The following CFAP54 variants were observed in gnomAD, a reference collection of about 807,000 sequenced individuals.
CFAP54 encodes the protein cilia- and flagella-associated protein 54.
A neutral mutation model predicts 370.4 loss-of-function variants in CFAP54; 290 were observed. That is an observed-to-expected ratio of 0.78 (90% CI 0.71 to 0.86). CFAP54 has a LOEUF of 0.86. Among genes scored for constraint, CFAP54 ranks in the 40% least tolerant of loss-of-function variants. The pLI is 0.00. For missense variants in CFAP54, 3,399 were observed against 3,528.7 expected, an observed-to-expected ratio of 0.96 and a Z score of 0.93; for synonymous variants, 1,206 against 1,236.5, an observed-to-expected ratio of 0.98 and a Z score of 0.52.
At chr12:96,830,447 T>A (rs1169864911) in intron 66 of CFAP54, among the ~76,000 whole-genome samples, 1 of 152,150 alleles carries the variant, frequency 6.6e-6, no homozygotes, top group African/African-American at 2.4e-5. Flanking sequence ...TGATTTGCAT[T>A]TCCTTAATGA....
chr12:96,502,012 TAC>T (rs1385346972), intron 2 of CFAP54, among the ~76,000 whole-genome samples: 1 of 152,188 alleles, frequency 6.6e-6, no homozygotes, highest in East Asian at 1.9e-4. Flanking sequence ...TTTCCATCCT[TAC>T]ACTTTTCAGT....
At chr12:96,553,923 AT>A (rs957429072) in intron 15 of CFAP54, among the ~76,000 whole-genome samples, 10 of 152,260 alleles carry the variant, frequency 6.6e-5, no homozygotes, top group African/African-American at 2.2e-4. Context: ...TGGAAGTTAT[AT>A]ATATTAATAC....
At chr12:96,520,234 T>C (rs984772437) in intron 6 of CFAP54, among the ~76,000 whole-genome samples, 1 of 152,160 alleles carries the variant, frequency 6.6e-6, no homozygotes. Flanking sequence ...TCATTTTGAT[T>C]GAGTACTTGA....
chr12:96,624,272 C>A (rs909101185), intron 28 of CFAP54, among the ~76,000 whole-genome samples: 1 of 152,126 alleles, frequency 6.6e-6, no homozygotes, highest in African/African-American at 2.4e-5. Flanking sequence ...GCACAGCACA[C>A]CACCCCCTAG....
At chr12:96,760,132 C>T (rs1277304547) in intron 58 of CFAP54, among the ~76,000 whole-genome samples, 1 of 152,060 alleles carries the variant, frequency 6.6e-6, no homozygotes, top group Non-Finnish European at 1.5e-5. Flanking sequence ...AGAAGTGGGG[C>T]AAAGTAGGGA....
In CFAP54 at chr12:96,749,248, G is replaced by A. The variant is rs1277204248; in HGVS notation, c.7685-4495G>A. On this transcript the variant is annotated intron_variant, in intron 55 of 67. Coordinates refer to ENST00000524981, the MANE Select transcript of CFAP54 (RefSeq NM_001306084.2). The stretch of plus-strand genomic sequence containing the variant: ...TTCTATGTGTCCTTACATGGTGGAA[G>A]GGGCAGACAGGCTTTCTCAAGTTTG... 2.6e-5 allele frequency among the ~76,000 whole-genome samples: 4 copies of A among 152,342 alleles called. No individual in the cohort carries two copies. In the East Asian group the frequency reaches 7.7e-4, roughly 29 times the overall value.
At chr12:96,764,037 T>A (rs1958368703) in intron 58 of CFAP54, 114 bp from the exon 59 acceptor site, 2 of 604,512 alleles carry the variant, frequency 3.3e-6, no homozygotes, top group Non-Finnish European at 5.7e-6. Context: ...CTCATGTCAA[T>A]AGATACATTA....
chr12:96,497,200 G>C (rs1197528688), intron 1 of CFAP54, among the ~76,000 whole-genome samples: 1 of 152,168 alleles, frequency 6.6e-6, no homozygotes, highest in African/African-American at 2.4e-5. Context: ...TAGTCGTTAA[G>C]AGCATAGATG....
At chr12:96,568,464 G>T (rs952457993) in intron 19 of CFAP54, among the ~76,000 whole-genome samples, 2 of 151,990 alleles carry the variant, frequency 1.3e-5, no homozygotes, top group African/African-American at 4.8e-5. Context: ...CTCAGTGGTG[G>T]TTTTTATCTA....
At chr12:96,720,746 G>T (rs1957741195) in intron 50 of CFAP54, among the ~76,000 whole-genome samples, 181 bp downstream of exon 50, 1 of 152,206 alleles carries the variant, frequency 6.6e-6, no homozygotes, top group Non-Finnish European at 1.5e-5. Flanking sequence ...CTCTGGCTGG[G>T]TGTGGTGGCT....
At chr12:96,828,966 G>T (rs1959158220) in intron 65 of CFAP54, 48 bp from the exon 66 acceptor site, 4 of 959,310 alleles carry the variant, frequency 4.2e-6, no homozygotes, top group Non-Finnish European at 6.2e-6. Flanking sequence ...TAATATTTAG[G>T]TTTCTAATAA....
At chr12:96,762,168 C>G (rs973367481) in intron 58 of CFAP54, among the ~76,000 whole-genome samples, 1 of 152,028 alleles carries the variant, frequency 6.6e-6, no homozygotes, top group African/African-American at 2.4e-5. Flanking sequence ...TTTGTTATTT[C>G]TATTGTCAAA....
At chr12:96,692,107 G>A (rs924948014) in intron 44 of CFAP54, among the ~76,000 whole-genome samples, 2 of 147,442 alleles carry the variant, frequency 1.4e-5, no homozygotes, top group African/African-American at 5.0e-5. Context: ...CTATTCTCTC[G>A]GTATATTTGT....
chr12:96,841,084 C>T (rs1294809860), intron 66 of CFAP54, among the ~76,000 whole-genome samples: 1 of 152,216 alleles, frequency 6.6e-6, no homozygotes, highest in South Asian at 2.1e-4. Flanking sequence ...CTCAAAGTAG[C>T]AGTTCCACTT....
chr12:96,789,726 C>T (rs1433681324), intron 62 of CFAP54, among the ~76,000 whole-genome samples: 1 of 152,114 alleles, frequency 6.6e-6, no homozygotes, highest in Non-Finnish European at 1.5e-5. Flanking sequence ...ACAGTGTTAT[C>T]AAAGAGTTGT....
chr12:96,642,280 T>G (rs562523974), intron 32 of CFAP54, among the ~76,000 whole-genome samples: 39 of 152,256 alleles, frequency 2.6e-4, no homozygotes, highest in African/African-American at 9.1e-4. Flanking sequence ...TGTACACACC[T>G]TGTACAGCCC....
intron 4 of CFAP54, among the ~76,000 whole-genome samples, chr12:96,510,799 C>G (rs1955156678): frequency 6.6e-6 from 1 of 151,888 alleles, no homozygotes; most frequent in African/African-American, 2.4e-5. Flanking sequence ...CCTGTCTCTA[C>G]TAAAAATACA....
chr12:96,792,674 GTC>G (rs1480284403), intron 63 of CFAP54, among the ~76,000 whole-genome samples, 175 bp downstream of exon 63: 1 of 152,100 alleles, frequency 6.6e-6, no homozygotes, highest in African/African-American at 2.4e-5. Context: ...ATCGGGGAAA[GTC>G]TGATTCAGGC....
intron 60 of CFAP54, among the ~76,000 whole-genome samples, chr12:96,772,134 A>G (rs1483606108): frequency 4.6e-5 from 7 of 152,178 alleles, no homozygotes; most frequent in African/African-American, 1.7e-4. Context: ...TCAAAACTCA[A>G]AAGATACGAA....
Sources: gnomAD v4.1 joint callset for allele counts (sites outside exome capture counted in the v4.1 genomes callset) on GRCh38, gnomAD v4.1.1 for gene constraint, MANE v1.5 for transcripts, NCBI Gene and HGNC (gene_info 2026-07-23, HGNC 2026-07-21) for gene names.